CALY: variants seen among roughly 807,000 people sequenced by gnomAD.
CALY encodes calcyon neuron specific vesicular protein.
Under a neutral mutation model 20.2 loss-of-function variants are expected in CALY, and 15 were observed. The ratio of observed to expected loss-of-function variants is 0.74; its 90% CI spans 0.50 to 1.14. The LOEUF is 1.14. CALY is among the 50% of genes most tolerant of loss of function. The pLI is 0.00. For synonymous variants in CALY, 129 were observed against 131.8 expected, an observed-to-expected ratio of 0.98 and a Z score of 0.15; for missense variants, 270 against 304.4, an observed-to-expected ratio of 0.89 and a Z score of 0.84.
At chr10:133,335,268 G>A (rs1393938121) in intron 1 of CALY, among the ~76,000 whole-genome samples, 1 of 152,122 alleles carries the variant, frequency 6.6e-6, no homozygotes, top group Non-Finnish European at 1.5e-5. Flanking sequence ...GACGGGCGAG[G>A]GGGAGGCGGA....
rs368918884 is a variant in CALY at position 133,327,964 on chromosome 10, T to A, written c.187A>T (p.Asn63Tyr). The A allele has an allele frequency of 9.9e-6, 16 of 1,613,086 alleles. No homozygotes were observed. The highest frequency in any genetic ancestry group is 1.7e-5 in the Admixed American group (1 of 59,916). The change falls in exon 3 of 6, where the codon AAT (asparagine) becomes TAT (tyrosine). Residue 63 changes from asparagine to tyrosine, a missense_variant. Physicochemically the swap from Asn to Tyr is moderately radical, Grantham distance 143. Coordinates refer to ENST00000252939, the MANE Select transcript of CALY (RefSeq NM_015722.4). ...CTCTGGCCCTCCAGGTCAGGGAAATTCTGCTGGTCTGGGGAGGACAGCTGG... is the reference window on the plus strand; with the variant it reads ...CTCTGGCCCTCCAGGTCAGGGAAATACTGCTGGTCTGGGGAGGACAGCTGG... The part of the protein sequence containing the change: ...EYQLSSPDQQ[N>Y]FPDLEGQRLN...
In CALY at chr10:133,328,873, C is replaced by A; in HGVS notation, c.117G>T (p.Gln39His). 1 of 1,544,580 alleles carries A rather than the reference C, an allele frequency of 6.5e-7. No homozygotes were observed. Among genetic ancestry groups the A allele is most frequent in the Non-Finnish European group, 8.7e-7 (1 of 1,145,578 alleles). Reference protein sequence around the residue: ...LISPLDISQLQPPLPDQVVIK... With the variant: ...LISPLDISQLHPPLPDQVVIK... ...CCCTCACCTGGTCAGGGAGTGGCGG[C>A]TGGAGCTGGCTGATGTCCAAGGGGC... is the stretch of plus-strand genomic sequence containing the variant. The change falls in exon 2 of 6, where the codon CAG becomes CAT. Residue 39 changes from glutamine to histidine, a missense_variant. By Grantham distance (24) the Gln-to-His change is conservative. Transcript: ENST00000252939.
Position 133,334,614 on chromosome 10 carries a change from GA to G in CALY, c.-21+2219del, listed in dbSNP as rs199821417. Among the ~76,000 whole-genome samples the G allele has an allele frequency of 3.1e-3, 463 of 149,752 alleles. 8 individuals carry two copies. The highest frequency in any genetic ancestry group is 0.011 in the African/African-American group (438 of 40,346). ...GAAGGATCTGAGGGGCGAAGGATCT[GA>G]AGGGGGAAGGATCAGGGGAGGAAGG... is the stretch of plus-strand genomic sequence containing the variant. On this transcript the variant is annotated intron_variant, in intron 1 of 5. Transcript: ENST00000252939.
chr10:133,325,789 G>A lies in CALY; in HGVS notation c.*28+10C>T. ...GCAGAGCCGGCCGGAGCCCCGCGGC[G>A]CGCACCTACCCCGGGCCGGGCTGCG... On this transcript the variant is annotated intron_variant, in intron 5 of 5. Transcript: ENST00000252939. The A allele has an allele frequency of 8.8e-7, 1 of 1,131,484 alleles. No individual in the cohort carries two copies. Among genetic ancestry groups the A allele is most frequent in the Non-Finnish European group, 1.1e-6 (1 of 905,912 alleles). The allele number at this position is 1,131,484 out of a possible 1,614,324, so 70.1% of individuals were successfully genotyped here. A position where few individuals can be genotyped will look rare whatever the true frequency, so the allele number is the denominator to read the frequency against.
At chr10:133,330,523 T>TG (rs1272561712) in intron 1 of CALY, among the ~76,000 whole-genome samples, 1 of 138,268 alleles carries the variant, frequency 7.2e-6, no homozygotes, top group South Asian at 2.4e-4. Context: ...CCGGGCGCGG[T>TG]GGCGGGCGCC....
At chr10:133,327,475 C>T (rs1255754681) in intron 3 of CALY, 3 of 560,904 alleles carry the variant, frequency 5.3e-6, no homozygotes, top group Non-Finnish European at 9.4e-6. Context: ...GCTTTGGAAA[C>T]AGTCCACTAA....
intron 2 of CALY, 107 bp downstream of exon 2, chr10:133,328,748 T>C: frequency 8.1e-7 from 1 of 1,234,960 alleles, no homozygotes; most frequent in East Asian, 2.7e-5. Context: ...TTCATCTGTT[T>C]GCTCTACTGC....
rs1045707067 is a variant in CALY at position 133,333,125 on chromosome 10, C to G, written c.-21+3709G>C. ...GGGTTCCAGGTGTGGGTAGGCACCA[C>G]GGGAACAGGAGCAAGGGACCCGCGG... On this transcript the variant is annotated intron_variant, in intron 1 of 5. Coordinates refer to ENST00000252939, the MANE Select transcript of CALY (RefSeq NM_015722.4). 5.3e-5 allele frequency among the ~76,000 whole-genome samples: 8 copies of G among 151,794 alleles called. No individual in the cohort carries two copies. In the South Asian group the frequency reaches 1.7e-3, roughly 32 times the overall value.
rs1848187892 is a variant in CALY, at chr10:133,325,558, C to G, written c.*37G>C. On this transcript the variant is annotated 3_prime_UTR_variant, in exon 6 of 6. Transcript: ENST00000252939. ...GAGACGCGCTGGTCACAGGAGCTGG[C>G]GGAGGACGCTGCGGAGACAGAGCCC... The G allele has an allele frequency of 2.2e-5, 6 of 267,590 alleles. No homozygotes were observed. Among genetic ancestry groups the G allele is most frequent in the Admixed American group, 1.1e-4 (2 of 18,502 alleles). The allele number at this position is 267,590 out of a possible 1,614,324, so 16.6% of individuals were successfully genotyped here.
chr10:133,326,044 G>T lies in CALY; in HGVS notation c.437C>A (p.Ala146Glu). The T allele has an allele frequency of 6.3e-7, 1 of 1,595,052 alleles. No individual in the cohort carries two copies. The highest frequency in any genetic ancestry group is 1.1e-5 in the South Asian group (1 of 88,612). ...GCTCAGCGGGTAGGCCCCGATGGCC[G>T]CCAGGATGCTGCGGTGGCGCTCGGG... ...MDPERHRSIL[A>E]AIGAYPLSRK... is the part of the protein sequence containing the mutation. The change falls in exon 5 of 6, where the codon GCG becomes GAG. Residue 146 changes from alanine (A) to glutamate (E), a missense_variant. Physicochemically the swap from Ala to Glu is moderately radical, Grantham distance 107. Coordinates refer to ENST00000252939, the MANE Select transcript of CALY (RefSeq NM_015722.4).
chr10:133,333,273 G>A (rs1848341516), intron 1 of CALY, among the ~76,000 whole-genome samples: 1 of 108,028 alleles, frequency 9.3e-6, no homozygotes. Context: ...AAGGATCCGA[G>A]GGAGAAGGAT....
chr10:133,327,082 C>A lies in CALY; in HGVS notation c.247-91G>T. 1.0e-5 allele frequency: 9 copies of A among 859,096 alleles called. 1 individual carries two copies. The highest frequency in any genetic ancestry group is 1.0e-4 in the South Asian group (7 of 68,478). 53.2% of individuals were successfully genotyped at this position (859,096 alleles called of 1,614,324 possible). On this transcript the variant is annotated intron_variant, in intron 3 of 5. Coordinates refer to ENST00000252939, the MANE Select transcript of CALY (RefSeq NM_015722.4). The stretch of plus-strand genomic sequence containing the variant: ...AGGGGCTGGGCTGGCACAGGACCAT[C>A]CCCGCCCTCCAGTCTTGATGCCCCA...
chr10:133,333,493 C>T (rs1184693352), intron 1 of CALY, among the ~76,000 whole-genome samples: 5 of 138,674 alleles, frequency 3.6e-5, no homozygotes, highest in African/African-American at 1.4e-4. Context: ...GGGGAAGGAT[C>T]CGACGCAGGG....
intron 3 of CALY, 33 bp from the exon 4 acceptor site, chr10:133,327,024 C>G (rs748529571): frequency 9.5e-6 from 14 of 1,481,436 alleles, no homozygotes; most frequent in Non-Finnish European, 1.3e-5. Flanking sequence ...CTCAGCCACG[C>G]CAGGCAGGGG....
chr10:133,330,965 G>A (rs1848296956), intron 1 of CALY, among the ~76,000 whole-genome samples: 1 of 152,194 alleles, frequency 6.6e-6, no homozygotes, highest in African/African-American at 2.4e-5. Flanking sequence ...AACATATCAT[G>A]ACAGTTTGGG....
At position 133,324,170 on chromosome 10, in the gene CALY, C is replaced by G. The variant is rs558701716; in HGVS notation, c.*1425G>C. On this transcript the variant is annotated 3_prime_UTR_variant, in exon 6 of 6. Transcript: ENST00000252939. ...CGCCCCAGGCCCCGGGCCCCCCTCC[C>G]TTGCAGGCCATCAGGGCCAATTCAG... 1 of 336,300 alleles carries G rather than the reference C, an allele frequency of 3.0e-6. No individual in the cohort carries two copies. The highest frequency in any genetic ancestry group is 5.9e-6 in the Non-Finnish European group (1 of 168,150). The allele number at this position is 336,300 out of a possible 1,614,324, so 20.8% of individuals were successfully genotyped here. A position where few individuals can be genotyped will look rare whatever the true frequency, so the allele number is the denominator to read the frequency against.
In CALY at chr10:133,326,010, G is replaced by A. The variant is rs1201277974; in HGVS notation, c.471C>T (p.His157=). Residue 157 remains histidine (H), a synonymous_variant, in exon 5 of 6, where the codon CAC becomes CAT. Coordinates refer to ENST00000252939, the MANE Select transcript of CALY (RefSeq NM_015722.4). ...CCCAGGCCGCCGGCGTCTCCGTGCC[G>A]TGCTTGCGGCTCAGCGGGTAGGCCC... The part of the protein sequence containing the change: ...AIGAYPLSRK[H]GTETPAAWGD... The A allele has an allele frequency of 1.3e-6, 2 of 1,580,012 alleles. No homozygotes were observed. Among genetic ancestry groups the A allele is most frequent in the Admixed American group, 3.6e-5 (2 of 55,814 alleles).
intron 1 of CALY, among the ~76,000 whole-genome samples, chr10:133,333,513 C>CGAGGGTGGAAGGATCT: frequency 8.8e-6 from 1 of 114,014 alleles, no homozygotes; most frequent in African/African-American, 3.5e-5. Flanking sequence ...GGGAGGGATC[C>CGAGGGTGGAAGGATCT]GAGGGTGGAA....
At chr10:133,336,447 C>T (rs978401435) in intron 1 of CALY, among the ~76,000 whole-genome samples, 4 of 152,158 alleles carry the variant, frequency 2.6e-5, no homozygotes, top group Admixed American at 2.0e-4. Context: ...ACCCCGCCTC[C>T]GGCGGACAGA....
Sources: allele counts gnomAD v4.1 joint callset (sites outside exome capture counted in the v4.1 genomes callset), GRCh38; gene constraint gnomAD v4.1.1; transcripts MANE v1.5; gene names NCBI Gene and HGNC (gene_info 2026-07-23, HGNC 2026-07-21).